Variants in FGF14 observed in about 807,000 individuals in gnomAD.
The protein encoded by FGF14 is fibroblast growth factor homologous factor 4.
Under a neutral mutation model 25.5 loss-of-function variants are expected in FGF14, and 5 were observed. That is an observed-to-expected ratio of 0.20 (90% CI 0.10 to 0.41). FGF14 has a LOEUF of 0.41. Ranked by LOEUF, FGF14 falls within the 10% of genes least tolerant of loss-of-function variation. FGF14 has a pLI of 1.00. For synonymous variants in FGF14, 138 were observed against 118.3 expected, an observed-to-expected ratio of 1.17 and a Z score of -1.08; for missense variants, 222 against 320.1, an observed-to-expected ratio of 0.69 and a Z score of 2.34.
intron 1 of FGF14, among the ~76,000 whole-genome samples, chr13:101,965,244 C>CT (rs2037116231): frequency 1.5e-5 from 2 of 134,754 alleles, no homozygotes; most frequent in Non-Finnish European, 3.2e-5. Flanking sequence ...GCAAGACTGT[C>CT]TAAAAAAAAA....
chr13:101,968,837 T>A (rs1209319390), intron 1 of FGF14, among the ~76,000 whole-genome samples: 1 of 149,766 alleles, frequency 6.7e-6, no homozygotes, highest in East Asian at 2.0e-4. Flanking sequence ...TCTGTAATCA[T>A]GCATTCCATC....
At chr13:102,166,398 T>C (rs2048014079) in intron 1 of FGF14, among the ~76,000 whole-genome samples, 1 of 152,130 alleles carries the variant, frequency 6.6e-6, no homozygotes, top group African/African-American at 2.4e-5. Context: ...TCTCCGTCAT[T>C]AACAGACAAG....
chr13:102,056,039 G>A (rs569581162), intron 1 of FGF14, among the ~76,000 whole-genome samples: 105 of 152,254 alleles, frequency 6.9e-4, no homozygotes, highest in African/African-American at 2.4e-3. Flanking sequence ...CTCCCACTGG[G>A]TCCCTCCCAC....
chr13:102,289,516 G>T (rs532045840), intron 1 of FGF14, among the ~76,000 whole-genome samples: 2 of 152,158 alleles, frequency 1.3e-5, no homozygotes, highest in Non-Finnish European at 2.9e-5. Context: ...GCTATGTTAT[G>T]ATAAAATTTT....
At chr13:102,029,670 A>G (rs1566593305) in intron 1 of FGF14, among the ~76,000 whole-genome samples, 1 of 152,146 alleles carries the variant, frequency 6.6e-6, no homozygotes, top group African/African-American at 2.4e-5. Flanking sequence ...AAGACAATAA[A>G]TTGAAAATCT....
chr13:102,230,927 C>T (rs2051057401), intron 1 of FGF14, among the ~76,000 whole-genome samples: 1 of 152,156 alleles, frequency 6.6e-6, no homozygotes, highest in Non-Finnish European at 1.5e-5. Context: ...TATCTCTATT[C>T]ACCTGGTAAA....
At chr13:101,758,238 A>G (rs1468332021) in intron 3 of FGF14, among the ~76,000 whole-genome samples, 1 of 152,222 alleles carries the variant, frequency 6.6e-6, no homozygotes, top group Admixed American at 6.5e-5. Flanking sequence ...ATCAATTATC[A>G]TTGTTTTATT....
intron 1 of FGF14, among the ~76,000 whole-genome samples, chr13:102,138,115 A>G (rs1474387830): frequency 6.7e-6 from 1 of 150,232 alleles, no homozygotes. Context: ...CATCCTTTTC[A>G]TTGATTGGCA....
chr13:102,293,114 T>C (rs2054515582), intron 1 of FGF14: 2 of 152,316 alleles, frequency 1.3e-5, no homozygotes, highest in Non-Finnish European at 1.5e-5. Context: ...CTGGTATCCA[T>C]TCCTGCCTCT....
chr13:102,126,998 G>C (rs2045976117), intron 1 of FGF14, among the ~76,000 whole-genome samples: 2 of 152,190 alleles, frequency 1.3e-5, no homozygotes, highest in African/African-American at 4.8e-5. Flanking sequence ...AACAAGCTGA[G>C]TAAGTAACTG....
At chr13:102,161,569 GAAAGAAA>G (rs2047644922) in intron 1 of FGF14, among the ~76,000 whole-genome samples, 2 of 18,324 alleles carry the variant, frequency 1.1e-4, no homozygotes, top group South Asian at 2.4e-3. Context: ...TTTCTGTGAA[GAAAGAAA>G]GAAGAAGAAG....
intron 1 of FGF14, among the ~76,000 whole-genome samples, chr13:102,020,658 T>C: frequency 6.6e-6 from 1 of 151,830 alleles, no homozygotes; most frequent in East Asian, 2.0e-4. Flanking sequence ...GGAACAGGAT[T>C]TTGGGTAGTG....
chr13:102,048,409 T>C (rs1404636626), intron 1 of FGF14, among the ~76,000 whole-genome samples: 2 of 152,196 alleles, frequency 1.3e-5, no homozygotes, highest in African/African-American at 2.4e-5. Context: ...ACGGTAACTA[T>C]CATTTTTTGT....
At chr13:101,786,493 T>C (rs2039835608) in intron 3 of FGF14, among the ~76,000 whole-genome samples, 2 of 152,224 alleles carry the variant, frequency 1.3e-5, no homozygotes, top group Non-Finnish European at 2.9e-5. Flanking sequence ...TCTACGGAAG[T>C]CTAAGTGTTG....
At chr13:102,180,582 G>C (rs928278152) in intron 1 of FGF14, among the ~76,000 whole-genome samples, 1 of 152,128 alleles carries the variant, frequency 6.6e-6, no homozygotes, top group South Asian at 2.1e-4. Context: ...AAAGTGCCTG[G>C]ATTACAGGCG....
At chr13:102,075,025 T>G (rs2043302841) in intron 1 of FGF14, among the ~76,000 whole-genome samples, 1 of 152,192 alleles carries the variant, frequency 6.6e-6, no homozygotes, top group African/African-American at 2.4e-5. Context: ...AAGACAATGA[T>G]GCCCACTCTT....
At chr13:102,379,527 T>TAC (rs1165898539) in intron 1 of FGF14, among the ~76,000 whole-genome samples, 37 of 151,856 alleles carry the variant, frequency 2.4e-4, no homozygotes, top group African/African-American at 8.9e-4. Flanking sequence ...TATATATATA[T>TAC]ACATACACAC....
intron 1 of FGF14, among the ~76,000 whole-genome samples, chr13:102,172,023 T>TCTCA: frequency 6.6e-6 from 1 of 151,468 alleles, no homozygotes; most frequent in East Asian, 1.9e-4. Flanking sequence ...AGGGACGGAG[T>TCTCA]CTCACTATGT....
rs138011351 is a variant in FGF14 at position 101,778,131 on chromosome 13, C to T, written c.409-51321G>A. On this transcript the variant is annotated intron_variant, in intron 3 of 4. Transcript: ENST00000376143. ...TCAGTCAGTGAGGCAAAGGAAAGTC[C>T]GGCTGCCAAATTATTTACTTAAGAA... is the stretch of plus-strand genomic sequence containing the variant. Among the ~76,000 whole-genome samples the T allele has an allele frequency of 3.3e-3, 503 of 152,216 alleles. 2 individuals are homozygous for T. The highest frequency in any genetic ancestry group is 5.9e-3 in the Non-Finnish European group (398 of 67,994).
Sources: gnomAD v4.1 joint callset for allele counts (sites outside exome capture counted in the v4.1 genomes callset) on GRCh38, gnomAD v4.1.1 for gene constraint, MANE v1.5 for transcripts, NCBI Gene and HGNC (gene_info 2026-07-23, HGNC 2026-07-21) for gene names.